LRRC4C: variants seen among roughly 807,000 people sequenced by gnomAD.
LRRC4C encodes leucine-rich repeat-containing protein 4C.
Under a neutral mutation model 33.6 loss-of-function variants are expected in LRRC4C, and 5 were observed. The ratio of observed to expected loss-of-function variants is 0.15; its 90% confidence interval spans 0.08 to 0.31. The LOEUF (loss-of-function observed/expected upper bound fraction) is 0.31. Ranked by LOEUF, LRRC4C falls within the 10% of genes least tolerant of loss-of-function variation. The probability of loss-of-function intolerance (pLI) is 1.00; values close to 1 mark genes in which losing one functional copy is unlikely to be tolerated. For missense variants in LRRC4C, 560 were observed against 796.7 expected (o/e 0.70, Z 3.58); for synonymous variants, 329 against 302.0 (o/e 1.09, Z -0.93).
At chr11:40,957,596 C>T (rs1366383752) in intron 1 of LRRC4C, among the ~76,000 whole-genome samples, 1 of 151,766 alleles carries the variant, frequency 6.6e-6, no homozygotes, top group Non-Finnish European at 1.5e-5. Context: ...AGTCCTTCCA[C>T]ACTAAACGAA....
intron 1 of LRRC4C, among the ~76,000 whole-genome samples, chr11:41,435,327 A>T (rs12806283): frequency 0.11 from 16,026 of 152,246 alleles, 1,142 homozygotes; most frequent in Non-Finnish European, 0.15. Context: ...TACGGAAAAC[A>T]TCAGTACAGA....
chr11:40,414,754 G>A (rs1235312052), intron 3 of LRRC4C, among the ~76,000 whole-genome samples: 1 of 152,026 alleles, frequency 6.6e-6, no homozygotes, highest in Non-Finnish European at 1.5e-5. Flanking sequence ...CTTTCTTTAA[G>A]CATCTAATTC....
At chr11:40,452,572 C>T (rs979859469) in intron 3 of LRRC4C, among the ~76,000 whole-genome samples, 21 of 152,176 alleles carry the variant, frequency 1.4e-4, no homozygotes, top group Admixed American at 1.0e-3. Flanking sequence ...AACACTTTTA[C>T]ACTGTTGGTG....
At chr11:40,624,584 G>T (rs531471744) in intron 3 of LRRC4C, among the ~76,000 whole-genome samples, 1 of 152,160 alleles carries the variant, frequency 6.6e-6, no homozygotes, top group African/African-American at 2.4e-5. Flanking sequence ...GGGCCAACCT[G>T]ATTCACAAAA....
At chr11:40,978,594 C>T (rs991055729) in intron 1 of LRRC4C, among the ~76,000 whole-genome samples, 4 of 151,120 alleles carry the variant, frequency 2.6e-5, no homozygotes, top group Non-Finnish European at 4.4e-5. Flanking sequence ...CCTACTATAA[C>T]TTTGTCTCAT....
At chr11:40,987,434 C>T (rs991763984) in intron 1 of LRRC4C, among the ~76,000 whole-genome samples, 14 of 151,882 alleles carry the variant, frequency 9.2e-5, no homozygotes, top group Admixed American at 3.3e-4. Context: ...TTCAAAAGCT[C>T]ATGGGAATTC....
At chr11:40,183,136 T>A (rs765086693) in intron 5 of LRRC4C, among the ~76,000 whole-genome samples, 2 of 152,292 alleles carry the variant, frequency 1.3e-5, no homozygotes, top group African/African-American at 2.4e-5. Flanking sequence ...GCAAATTTGG[T>A]AACATCCAGG....
chr11:40,664,119 T>C (rs1943592161), intron 2 of LRRC4C, among the ~76,000 whole-genome samples: 1 of 152,206 alleles, frequency 6.6e-6, no homozygotes, highest in Admixed American at 6.5e-5. Flanking sequence ...ATACTTGATA[T>C]TATAAAATAT....
intron 5 of LRRC4C, among the ~76,000 whole-genome samples, chr11:40,208,779 T>C (rs1863351026): frequency 6.6e-6 from 1 of 152,202 alleles, no homozygotes; most frequent in African/African-American, 2.4e-5. Context: ...CTCCTTTAGT[T>C]CCCTATTGAT....
chr11:41,047,861 T>C (rs188102258), intron 1 of LRRC4C, among the ~76,000 whole-genome samples: 41 of 152,280 alleles, frequency 2.7e-4, no homozygotes, highest in African/African-American at 8.4e-4. Context: ...CACCTTGATG[T>C]GTATATACAC....
At chr11:40,383,502 C>T (rs1178175910) in intron 3 of LRRC4C, among the ~76,000 whole-genome samples, 1 of 152,152 alleles carries the variant, frequency 6.6e-6, no homozygotes, top group Non-Finnish European at 1.5e-5. Flanking sequence ...CCATTTTCTT[C>T]ACATTCTTAC....
chr11:40,490,515 G>T (rs971305008), intron 3 of LRRC4C, among the ~76,000 whole-genome samples: 34 of 152,056 alleles, frequency 2.2e-4, no homozygotes, highest in Non-Finnish European at 8.8e-5. Context: ...TAATAGGAGA[G>T]ACTTTTAAGG....
intron 1 of LRRC4C, among the ~76,000 whole-genome samples, chr11:41,455,097 C>T (rs1956137023): frequency 6.6e-6 from 1 of 152,128 alleles, no homozygotes; most frequent in Non-Finnish European, 1.5e-5. Context: ...TATTCTCTTG[C>T]TGTCATAACT....
chr11:40,960,812 C>G (rs1850930138), intron 1 of LRRC4C, among the ~76,000 whole-genome samples: 1 of 151,686 alleles, frequency 6.6e-6, no homozygotes, highest in Admixed American at 6.6e-5. Context: ...CAAAGGCTGT[C>G]AGTGGGTGCT....
At chr11:41,027,315 C>A (rs1406099017) in intron 1 of LRRC4C, among the ~76,000 whole-genome samples, 1 of 151,634 alleles carries the variant, frequency 6.6e-6, no homozygotes, top group Non-Finnish European at 1.5e-5. Context: ...CCGGAGGGTA[C>A]TTGACCTTGG....
At chr11:40,594,420 A>G (rs1399099213) in intron 3 of LRRC4C, among the ~76,000 whole-genome samples, 1 of 152,194 alleles carries the variant, frequency 6.6e-6, no homozygotes, top group Admixed American at 6.5e-5. Flanking sequence ...CCAAGCTTTC[A>G]TTTGATTCCA....
intron 2 of LRRC4C, among the ~76,000 whole-genome samples, chr11:40,783,332 G>A (rs556657994): frequency 4.6e-5 from 7 of 151,524 alleles, no homozygotes; most frequent in Non-Finnish European, 8.8e-5. Context: ...GTCTTGCTCC[G>A]TCACCCAGGC....
chr11:40,992,737 G>A (rs535525947), intron 1 of LRRC4C, among the ~76,000 whole-genome samples: 1 of 152,014 alleles, frequency 6.6e-6, no homozygotes, highest in South Asian at 2.1e-4. Context: ...AGATTGCTAC[G>A]ACATTAATTT....
intron 1 of LRRC4C, among the ~76,000 whole-genome samples, chr11:40,948,292 T>C (rs1409211579): frequency 2.0e-5 from 3 of 152,224 alleles, no homozygotes; most frequent in African/African-American, 7.2e-5. Flanking sequence ...CCTAAGAACA[T>C]AGAGTTCGTG....
Sources: allele counts gnomAD v4.1 joint callset (sites outside exome capture counted in the v4.1 genomes callset), GRCh38; gene constraint gnomAD v4.1.1; transcripts MANE v1.5; gene names NCBI Gene and HGNC (gene_info 2026-07-23, HGNC 2026-07-21).